The following VPS33B variants were observed in gnomAD, a reference collection of about 807,000 sequenced individuals.
VPS33B encodes VPS33B late endosome and lysosome associated.
A neutral mutation model predicts 95.3 loss-of-function variants in VPS33B; 80 were observed. The observed-to-expected ratio is 0.84, with a 90% confidence interval of 0.70 to 1.01. The LOEUF (loss-of-function observed/expected upper bound fraction) is 1.01, where lower values mean the gene tolerates loss of function less well. Ranked by LOEUF, VPS33B falls within the 50% of genes least tolerant of loss-of-function variation. The probability of loss-of-function intolerance (pLI) is 0.00; values close to 1 mark genes in which losing one functional copy is unlikely to be tolerated. For missense variants in VPS33B, 715 were observed against 773.4 expected, an observed-to-expected ratio of 0.92 and a Z score of 0.90; for synonymous variants, 280 against 280.4, an observed-to-expected ratio of 1.00 and a Z score of 0.01.
chr15:91,004,923 A>C lies in VPS33B; in HGVS notation c.1179T>G (p.Pro393=), dbSNP rs2151668776. The C allele has an allele frequency of 6.2e-7, 1 of 1,614,196 alleles. No individual in the cohort carries two copies. Among genetic ancestry groups the C allele is most frequent in the East Asian group, 2.2e-5 (1 of 44,888 alleles). ...IEEHIDRQVS[P]IESLRLMCLL... is the part of the protein sequence containing the mutation. Reference sequence around the variant, plus strand: ...GGCACATGAGGCGCAGGCTTTCTATAGGCGACACCTGCATAGGAAGAAAGA... The same window carrying C: ...GGCACATGAGGCGCAGGCTTTCTATCGGCGACACCTGCATAGGAAGAAAGA... Residue 393 remains proline (P), a synonymous_variant, in exon 16 of 23, where the codon CCT becomes CCG. Coordinates refer to ENST00000333371, the MANE Select transcript of VPS33B (RefSeq NM_018668.5).
At chr15:91,014,282 A>C in intron 4 of VPS33B, 102 bp downstream of exon 4, 1 of 1,210,696 alleles carries the variant, frequency 8.3e-7, no homozygotes, top group Admixed American at 1.7e-5. Context: ...TGCTACGGCC[A>C]ACTCAAACAA....
At chr15:91,020,900 A>G (rs1596374516) in intron 1 of VPS33B, among the ~76,000 whole-genome samples, 2 of 152,156 alleles carry the variant, frequency 1.3e-5, no homozygotes, top group African/African-American at 2.4e-5. Context: ...AATAAAATAA[A>G]ATAGAAATAA....
chr15:91,006,607 A>AT lies in VPS33B; in HGVS notation c.778+44dup. 6.2e-7 allele frequency: 1 copy of AT among 1,613,414 alleles called. No homozygotes were observed. The highest frequency in any genetic ancestry group is 8.5e-7 in the Non-Finnish European group (1 of 1,179,302). ...CCCCACGTGGGAGGTGCCAAGGCTG[A>AT]TGACCCGTCCATCTTGCCAAGATGC... On this transcript the variant is annotated intron_variant, in intron 10 of 22. Transcript: ENST00000333371. The surrounding 1 kb of genome is among the most constrained non-coding windows in gnomAD (Gnocchi z 5.4).
In VPS33B at chr15:91,009,882, T is replaced by C. The variant is rs200352401; in HGVS notation, c.358-36A>G. ...AAAGGAAATTGATTAGTAACTACCTTCTTCTCTGTTCTCTCCATTTCTCTG... is the reference window on the plus strand; with the variant it reads ...AAAGGAAATTGATTAGTAACTACCTCCTTCTCTGTTCTCTCCATTTCTCTG... On this transcript the variant is annotated intron_variant, in intron 5 of 22. Coordinates refer to ENST00000333371, the MANE Select transcript of VPS33B (RefSeq NM_018668.5). The surrounding 1 kb of genome is among the most constrained non-coding windows in gnomAD (Gnocchi z 4.1). 8.6e-5 allele frequency: 138 copies of C among 1,612,152 alleles called. No individual in the cohort carries two copies. The highest frequency in any genetic ancestry group is 2.3e-4 in the Admixed American group (14 of 59,994).
rs2040361306 is a variant in VPS33B at position 90,999,220 on chromosome 15, A to G, written c.1775-166T>C. The G allele has an allele frequency of 1.4e-6, 1 of 712,090 alleles. No homozygotes were observed. The highest frequency in any genetic ancestry group is 1.5e-5 in the South Asian group (1 of 64,718). 44.1% of individuals were successfully genotyped at this position (712,090 alleles called of 1,614,324 possible). On this transcript the variant is annotated intron_variant, in intron 22 of 22. Transcript: ENST00000333371. This position sits in a 1 kb window ranked among gnomAD's most constrained non-coding sequence, Gnocchi z 5.1. ...GGCACCACTGCTTTCTATGACTGGT[A>G]TAACTGGGCTCCCTGCTGTGGCAGC...
rs2151674828 is a variant in VPS33B, at chr15:91,009,793, C to T, written c.403+8G>A. On this transcript the variant is annotated splice_region_variant and intron_variant, in intron 6 of 22. Coordinates refer to ENST00000333371, the MANE Select transcript of VPS33B (RefSeq NM_018668.5). The surrounding 1 kb of genome is among the most constrained non-coding windows in gnomAD (Gnocchi z 4.1). Reference sequence around the variant, plus strand: ...TTTCCCTTTCCACTCACATTCATCTCCTCTCACCTCCATAGATTCCCTCTT... The same window carrying T: ...TTTCCCTTTCCACTCACATTCATCTTCTCTCACCTCCATAGATTCCCTCTT... 1 of 1,614,122 alleles carries T rather than the reference C, an allele frequency of 6.2e-7. No individual in the cohort carries two copies. The highest frequency in any genetic ancestry group is 1.7e-5 in the Admixed American group (1 of 60,012).
chr15:91,006,136 G>C lies in VPS33B; in HGVS notation c.853-77C>G. 6.6e-7 allele frequency: 1 copy of C among 1,516,456 alleles called. No homozygotes were observed. 93.9% of individuals were successfully genotyped at this position (1,516,456 alleles called of 1,614,324 possible). ...GCAGTAGAATGACAGTACAGGAAGG[G>C]TACTCAGGTGTTCTGGCAGAAATAC... On this transcript the variant is annotated intron_variant, in intron 11 of 22. Coordinates refer to ENST00000333371, the MANE Select transcript of VPS33B (RefSeq NM_018668.5). This position sits in a 1 kb window ranked among gnomAD's most constrained non-coding sequence, Gnocchi z 5.4.
rs1555460166 is a variant in VPS33B, at chr15:91,015,336, CA to C, written c.240-904del. Among the ~76,000 whole-genome samples the C allele has an allele frequency of 2.0e-5, 3 of 149,868 alleles. No individual in the cohort carries two copies. Among genetic ancestry groups the C allele is most frequent in the East Asian group, 1.9e-4 (1 of 5,156 alleles). ...GGATGACAAGAGCTAAACTCCGTCT[CA>C]AAAAAAATAAAATAAAATAAAATAA... On this transcript the variant is annotated intron_variant, in intron 3 of 22. Coordinates refer to ENST00000333371, the MANE Select transcript of VPS33B (RefSeq NM_018668.5). This position sits in a 1 kb window ranked among gnomAD's most constrained non-coding sequence, Gnocchi z 4.7.
chr15:91,011,234 A>T lies in VPS33B; in HGVS notation c.358-1388T>A, dbSNP rs183704586. Among the ~76,000 whole-genome samples, 7 of 152,370 alleles carry T rather than the reference A, an allele frequency of 4.6e-5. No homozygotes were observed. The East Asian group carries it at 1.2e-3, about 25-fold the overall frequency. The stretch of plus-strand genomic sequence containing the variant: ...AGAATGCTGAGGGCACTCACATCTG[A>T]TAATGAGTTGACATTATTAACAGCT... On this transcript the variant is annotated intron_variant, in intron 5 of 22. Coordinates refer to ENST00000333371, the MANE Select transcript of VPS33B (RefSeq NM_018668.5). This position sits in a 1 kb window ranked among gnomAD's most constrained non-coding sequence, Gnocchi z 5.5.
rs1237035127 is a variant in VPS33B, at chr15:91,005,499, A to G, written c.1031-45T>C. 1.2e-6 allele frequency: 2 copies of G among 1,612,634 alleles called. No individual in the cohort carries two copies. The highest frequency in any genetic ancestry group is 1.7e-5 in the Admixed American group (1 of 60,028). On this transcript the variant is annotated intron_variant, in intron 13 of 22. Transcript: ENST00000333371. This position sits in a 1 kb window ranked among gnomAD's most constrained non-coding sequence, Gnocchi z 6.4. Reference sequence around the variant, plus strand: ...AGCTGACATACTCCTGGTTCTAGAAAGATGTCCCTTTATTGTCCGGAAGAA... The same window carrying G: ...AGCTGACATACTCCTGGTTCTAGAAGGATGTCCCTTTATTGTCCGGAAGAA...
chr15:91,008,010 T>G (rs1272007865), intron 6 of VPS33B, 46 bp from the exon 7 acceptor site: 2 of 1,587,152 alleles, frequency 1.3e-6, no homozygotes, highest in Non-Finnish European at 1.7e-6. Flanking sequence ...GGTACTTAGC[T>G]CCACGTTAAG....
chr15:91,018,634 A>G lies in VPS33B; in HGVS notation c.97-749T>C, dbSNP rs2041012044. Among the ~76,000 whole-genome samples the G allele has an allele frequency of 6.6e-6, 1 of 152,134 alleles. No individual in the cohort carries two copies. The highest frequency in any genetic ancestry group is 2.4e-5 in the African/African-American group (1 of 41,436). On this transcript the variant is annotated intron_variant, in intron 1 of 22. Coordinates refer to ENST00000333371, the MANE Select transcript of VPS33B (RefSeq NM_018668.5). The surrounding 1 kb of genome is among the most constrained non-coding windows in gnomAD (Gnocchi z 4.7). ...GGGACATTTGGCAATGTCCAGACAC[A>G]TTTTTGGTTATCTGACTCAGGGTAG...
intron 3 of VPS33B, 147 bp from the exon 4 acceptor site, chr15:91,014,580 A>G (rs2151680430): frequency 2.3e-6 from 2 of 858,114 alleles, no homozygotes; most frequent in Non-Finnish European, 1.9e-6. Context: ...TTGGTCCACC[A>G]TATACCAACC....
Position 90,999,100 on chromosome 15 carries a change from G to C in VPS33B, c.1775-46C>G, listed in dbSNP as rs777087765. ...GCAGAAGAGACAGCACAGATCTTAG[G>C]CCCCAACGGCAACCCATAGAGCCTC... On this transcript the variant is annotated intron_variant, in intron 22 of 22. Transcript: ENST00000333371. This position sits in a 1 kb window ranked among gnomAD's most constrained non-coding sequence, Gnocchi z 5.1. The C allele has an allele frequency of 6.5e-5, 103 of 1,590,286 alleles. No individual in the cohort carries two copies. Among genetic ancestry groups the C allele is most frequent in the Admixed American group, 1.4e-4 (8 of 58,852 alleles).
chr15:91,000,403 A>AC lies in VPS33B; in HGVS notation c.1581+86_1581+87insG, dbSNP rs1013956082. On this transcript the variant is annotated intron_variant, in intron 20 of 22. Transcript: ENST00000333371. The surrounding 1 kb of genome is among the most constrained non-coding windows in gnomAD (Gnocchi z 4.9). ...CAGAGCAAGACTCCATCTCAAATAAAAAAAAAAAAACATTGAGACACGCCA... is the reference window on the plus strand; with the variant it reads ...CAGAGCAAGACTCCATCTCAAATAAACAAAAAAAAAACATTGAGACACGCCA... 1.6e-5 allele frequency: 21 copies of AC among 1,309,424 alleles called. No homozygotes were observed. The African/African-American group carries it at 3.0e-4, about 19-fold the overall frequency. The allele number at this position is 1,309,424 out of a possible 1,614,324, so 81.1% of individuals were successfully genotyped here.
rs376044181 is a variant in VPS33B at position 90,998,933 on chromosome 15, G to C, written c.*42C>G. 1 of 1,606,848 alleles carries C rather than the reference G, an allele frequency of 6.2e-7. No homozygotes were observed. The highest frequency in any genetic ancestry group is 8.5e-7 in the Non-Finnish European group (1 of 1,174,890). On this transcript the variant is annotated 3_prime_UTR_variant, in exon 23 of 23. Coordinates refer to ENST00000333371, the MANE Select transcript of VPS33B (RefSeq NM_018668.5). The surrounding 1 kb of genome is among the most constrained non-coding windows in gnomAD (Gnocchi z 4.8). ...TGCCAGATGCCTGCATCTCACTGAG[G>C]AATGTGTTCAGGGAAGATGTCAACA...
rs375989440 is a variant in VPS33B at position 91,004,691 on chromosome 15, G to A, written c.1225+186C>T. On this transcript the variant is annotated intron_variant, in intron 16 of 22. Coordinates refer to ENST00000333371, the MANE Select transcript of VPS33B (RefSeq NM_018668.5). Reference sequence around the variant, plus strand: ...GGTGGCCTGGATGTGGTCCCGCTGAGGGCTAAAGCAATAAATTACCCTGTG... The same window carrying A: ...GGTGGCCTGGATGTGGTCCCGCTGAAGGCTAAAGCAATAAATTACCCTGTG... Among the ~76,000 whole-genome samples the A allele has an allele frequency of 7.9e-4, 120 of 152,160 alleles. 2 individuals carry two copies. The highest frequency in any genetic ancestry group is 2.7e-3 in the African/African-American group (111 of 41,508).
Position 91,005,904 on chromosome 15 carries a change from A to T in VPS33B, c.939+69T>A. 1.2e-6 allele frequency: 2 copies of T among 1,600,740 alleles called. No individual in the cohort carries two copies. Among genetic ancestry groups the T allele is most frequent in the Non-Finnish European group, 8.6e-7 (1 of 1,169,112 alleles). On this transcript the variant is annotated intron_variant, in intron 12 of 22. Transcript: ENST00000333371. This position sits in a 1 kb window ranked among gnomAD's most constrained non-coding sequence, Gnocchi z 6.4. ...GAACCTGTCATAGTATTAGAAGGGGAGCCCAAGGGCAGCAGCCTTGGGAAG... is the reference window on the plus strand; with the variant it reads ...GAACCTGTCATAGTATTAGAAGGGGTGCCCAAGGGCAGCAGCCTTGGGAAG...
chr15:91,001,111 T>G, intron 19 of VPS33B: 1 of 393,620 alleles, frequency 2.5e-6, no homozygotes, highest in East Asian at 6.0e-5. Flanking sequence ...AGGTCAGAAG[T>G]TCAAGACCAG....
Sources: gnomAD v4.1 joint callset for allele counts (sites outside exome capture counted in the v4.1 genomes callset) on GRCh38, gnomAD v4.1.1 for gene constraint, Gnocchi (gnomAD v3.1) non-coding constraint, MANE v1.5 for transcripts, NCBI Gene and HGNC (gene_info 2026-07-23, HGNC 2026-07-21) for gene names.